The following HAS2 variants were observed in gnomAD, a reference collection of about 807,000 sequenced individuals.
HAS2 encodes the protein HA synthase 2.
A neutral mutation model predicts 51.6 loss-of-function variants in HAS2; 16 were observed. That is an observed-to-expected ratio of 0.31 (90% CI 0.21 to 0.47). The LOEUF (loss-of-function observed/expected upper bound fraction) is 0.47, where lower values mean the gene tolerates loss of function less well. Among genes scored for constraint, HAS2 ranks in the 20% least tolerant of loss-of-function variants. HAS2 has a pLI of 1.00. For missense variants in HAS2, 361 were observed against 662.6 expected, an observed-to-expected ratio of 0.54 and a Z score of 5.00; for synonymous variants, 228 against 235.5, an observed-to-expected ratio of 0.97 and a Z score of 0.29.
At chr8:121,629,987 G>A (rs2130446608) in intron 1 of HAS2, among the ~76,000 whole-genome samples, 1 of 152,168 alleles carries the variant, frequency 6.6e-6, no homozygotes, top group Admixed American at 6.5e-5. Flanking sequence ...TTAAATGAGG[G>A]ATTTTAGAAT....
chr8:121,640,639 G>A (rs1211832849), intron 1 of HAS2, among the ~76,000 whole-genome samples: 1 of 152,164 alleles, frequency 6.6e-6, no homozygotes, highest in African/African-American at 2.4e-5. Flanking sequence ...GATTTCTGGC[G>A]AGAGCCGCAG....
chr8:121,624,958 C>A (rs752268272), intron 2 of HAS2, among the ~76,000 whole-genome samples: 1 of 152,002 alleles, frequency 6.6e-6, no homozygotes, highest in African/African-American at 2.4e-5. Flanking sequence ...ATTAGCCAGG[C>A]GTGGTAGCGG....
chr8:121,633,902 G>GT (rs1812970603), intron 1 of HAS2, among the ~76,000 whole-genome samples: 1 of 122,022 alleles, frequency 8.2e-6, no homozygotes, highest in Non-Finnish European at 1.7e-5. Flanking sequence ...CTAGTTTTTT[G>GT]TTTTTTTGGG....
intron 1 of HAS2, among the ~76,000 whole-genome samples, 154 bp downstream of exon 1, chr8:121,640,699 T>A (rs994321001): frequency 1.2e-4 from 18 of 152,250 alleles, no homozygotes; most frequent in Middle Eastern, 3.4e-3. Context: ...ACCTGAAATA[T>A]TCCCTGATCT....
chr8:121,636,643 T>C lies in HAS2; in HGVS notation c.-1+4210A>G, dbSNP rs1229710297. Among the ~76,000 whole-genome samples, 8 of 152,200 alleles carry C rather than the reference T, an allele frequency of 5.3e-5. No homozygotes were observed. In the East Asian group the frequency reaches 1.5e-3, roughly 29 times the overall value. On this transcript the variant is annotated intron_variant, in intron 1 of 3. Coordinates refer to ENST00000303924, the MANE Select transcript of HAS2 (RefSeq NM_005328.3). Reference sequence around the variant, plus strand: ...ATGTGTGTTCTTCCAACTGCTCTACTGGTTCCTGAACTTCACCATCCTAAA... The same window carrying C: ...ATGTGTGTTCTTCCAACTGCTCTACCGGTTCCTGAACTTCACCATCCTAAA...
intron 1 of HAS2, among the ~76,000 whole-genome samples, chr8:121,637,552 G>A (rs554020426): frequency 2.2e-4 from 33 of 151,996 alleles, no homozygotes; most frequent in Non-Finnish European, 4.6e-4. Context: ...CACCACACCT[G>A]GCTAATTTTT....
At chr8:121,632,392 T>C (rs570275474) in intron 1 of HAS2, among the ~76,000 whole-genome samples, 94 of 152,274 alleles carry the variant, frequency 6.2e-4, no homozygotes, top group African/African-American at 2.2e-3. Context: ...TAGAGTTAGT[T>C]CAATCCTAAA....
intron 2 of HAS2, among the ~76,000 whole-genome samples, chr8:121,626,939 T>C (rs952808133): frequency 4.6e-5 from 7 of 152,290 alleles, no homozygotes; most frequent in Admixed American, 3.3e-4. Flanking sequence ...TCAAGCCTGA[T>C]TAGGGCTCTA....
chr8:121,628,909 G>A lies in HAS2; in HGVS notation c.432C>T (p.Ala144=). 1 of 1,613,960 alleles carries A rather than the reference G, an allele frequency of 6.2e-7. No individual in the cohort carries two copies. The highest frequency in any genetic ancestry group is 8.5e-7 in the Non-Finnish European group (1 of 1,179,906). The part of the protein sequence containing the change: ...FSEVMGRDKS[A]TYIWKNNFHE... ...GGAAGTTGTTCTTCCAGATATAAGT[G>A]GCTGATTTGTCTCTGCCCATGACTT... Residue 144 remains alanine, a synonymous_variant, in exon 2 of 4, where the codon GCC becomes GCT. Coordinates refer to ENST00000303924, the MANE Select transcript of HAS2 (RefSeq NM_005328.3).
chr8:121,615,057 A>G lies in HAS2; in HGVS notation c.730-19T>C. 6.4e-7 allele frequency: 1 copy of G among 1,566,066 alleles called. No individual in the cohort carries two copies. Among genetic ancestry groups the G allele is most frequent in the Non-Finnish European group, 8.7e-7 (1 of 1,150,624 alleles). ...TTAAAATCTGCAAGAAGAAAAACAT[A>G]AGTAATAGGTAAGCTTTAGCTAAAA... On this transcript the variant is annotated intron_variant, in intron 3 of 3. Transcript: ENST00000303924.
At chr8:121,621,803 A>C (rs1364716061) in intron 2 of HAS2, among the ~76,000 whole-genome samples, 1 of 152,172 alleles carries the variant, frequency 6.6e-6, no homozygotes, top group Non-Finnish European at 1.5e-5. Flanking sequence ...TCCAAGTCTA[A>C]AATGCCAAAT....
At chr8:121,630,605 T>G (rs1315943009) in intron 1 of HAS2, among the ~76,000 whole-genome samples, 1 of 152,210 alleles carries the variant, frequency 6.6e-6, no homozygotes, top group Non-Finnish European at 1.5e-5. Flanking sequence ...CATCCATTTT[T>G]GGGCTTTTCT....
In HAS2 at chr8:121,613,302, T is replaced by C. The variant is rs539253255; in HGVS notation, c.*807A>G. 1.3e-5 allele frequency: 2 copies of C among 152,598 alleles called. No individual in the cohort carries two copies. Among genetic ancestry groups the C allele is most frequent in the African/African-American group, 4.8e-5 (2 of 41,560 alleles). 9.5% of individuals were successfully genotyped at this position (152,598 alleles called of 1,614,324 possible). On this transcript the variant is annotated 3_prime_UTR_variant, in exon 4 of 4. Coordinates refer to ENST00000303924, the MANE Select transcript of HAS2 (RefSeq NM_005328.3). ...GTGTATTTTTACTTCCAAAGTGTGA[T>C]AGGTATATTGGCCTTTTCTAAAAGA...
At chr8:121,619,220 T>TAAAAG (rs1450888912) in intron 2 of HAS2, among the ~76,000 whole-genome samples, 1 of 152,034 alleles carries the variant, frequency 6.6e-6, no homozygotes, top group Non-Finnish European at 1.5e-5. Context: ...AAAAAAATAG[T>TAAAAG]AAAATAAAAT....
At chr8:121,628,576 G>A (rs910522320) in intron 2 of HAS2, 138 bp downstream of exon 2, 1 of 763,378 alleles carries the variant, frequency 1.3e-6, no homozygotes, top group Non-Finnish European at 2.1e-6. Flanking sequence ...GCTTTCAACA[G>A]TCATGCTGTT....
chr8:121,617,117 C>T lies in HAS2; in HGVS notation c.717G>A (p.Gly239=), dbSNP rs1297112850. Residue 239 remains glycine (G), a synonymous_variant, in exon 3 of 4, where the codon GGG becomes GGA. Transcript: ENST00000303924. ...TGAAGCCATGTACCTGGACATCTCCCCCAACACCTCCAACCATGGGATCTT... is the reference window on the plus strand; with the variant it reads ...TGAAGCCATGTACCTGGACATCTCCTCCAACACCTCCAACCATGGGATCTT... ...LEEDPMVGGV[G]GDVQILNKYD... 3 of 1,597,418 alleles carry T rather than the reference C, an allele frequency of 1.9e-6. No individual in the cohort carries two copies. The highest frequency in any genetic ancestry group is 2.2e-5 in the East Asian group (1 of 44,752).
rs556178684 is a variant in HAS2 at position 121,639,237 on chromosome 8, G to A, written c.-1+1616C>T. 3.3e-5 allele frequency: 5 copies of A among 152,334 alleles called. No homozygotes were observed. The East Asian group carries it at 9.7e-4, about 29-fold the overall frequency. The allele number at this position is 152,334 out of a possible 1,614,324, so 9.4% of individuals were successfully genotyped here. ...GGCCTCCAGTTGGGGGAAGCCCTTG[G>A]TGGCCAATCGGGGCTTCCCTATCTA... is the stretch of plus-strand genomic sequence containing the variant. On this transcript the variant is annotated intron_variant, in intron 1 of 3. Coordinates refer to ENST00000303924, the MANE Select transcript of HAS2 (RefSeq NM_005328.3).
intron 2 of HAS2, among the ~76,000 whole-genome samples, chr8:121,624,880 G>A (rs969002688): frequency 6.6e-6 from 1 of 152,082 alleles, no homozygotes; most frequent in African/African-American, 2.4e-5. Flanking sequence ...TGGATCACGA[G>A]GTCAGGAGGT....
chr8:121,622,711 A>G (rs779692514), intron 2 of HAS2, among the ~76,000 whole-genome samples: 41 of 151,928 alleles, frequency 2.7e-4, no homozygotes, highest in Admixed American at 1.5e-3. Flanking sequence ...ATCAATCCAA[A>G]GCTCTAGTGC....
Sources: gnomAD v4.1 joint callset for allele counts (sites outside exome capture counted in the v4.1 genomes callset) on GRCh38, gnomAD v4.1.1 for gene constraint, MANE v1.5 for transcripts, NCBI Gene and HGNC (gene_info 2026-07-23, HGNC 2026-07-21) for gene names.